The following LHCGR variants were observed in gnomAD, a reference collection of about 807,000 sequenced individuals.
LHCGR encodes luteinizing hormone/choriogonadotropin receptor, also known as lutropin-choriogonadotropic hormone receptor.
Under a neutral mutation model 60.7 loss-of-function variants are expected in LHCGR, and 55 were observed. That is an observed-to-expected ratio of 0.91 (90% confidence interval 0.73 to 1.13). LHCGR has a LOEUF of 1.13. Ranked by LOEUF, LHCGR falls within the 50% of genes most tolerant of loss-of-function variation. The pLI is 0.00. For missense variants in LHCGR, 862 were observed against 836.0 expected (o/e 1.03, Z -0.38); for synonymous variants, 337 against 316.5 (o/e 1.06, Z -0.69).
chr2:48,715,430 G>C (rs890512327), intron 6 of LHCGR, among the ~76,000 whole-genome samples: 2 of 152,212 alleles, frequency 1.3e-5, no homozygotes, highest in Non-Finnish European at 2.9e-5. Flanking sequence ...ACGTGAGAAA[G>C]GGCTGTGGTG....
chr2:48,708,243 A>G (rs1667794845), intron 8 of LHCGR, among the ~76,000 whole-genome samples: 1 of 152,134 alleles, frequency 6.6e-6, no homozygotes, highest in African/African-American at 2.4e-5. Flanking sequence ...GTCTGACAGC[A>G]GCTCAGCCCC....
At chr2:48,732,987 G>C in intron 1 of LHCGR, 1 of 510,336 alleles carries the variant, frequency 2.0e-6, no homozygotes, top group South Asian at 1.5e-5. Context: ...TTCTTGTGAT[G>C]GCATATTTGC....
rs1041883292 is a variant in LHCGR, at chr2:48,755,605, G to C, written c.67C>G (p.Arg23Gly). 4 of 1,534,602 alleles carry C rather than the reference G, an allele frequency of 2.6e-6. No homozygotes were observed. ...GGGCAGAGCGCCTCGCGCAGCGCTC[G>C]TGGCAGCGGCGGCTGCAGCAGCAGC... The part of the protein sequence containing the change: ...LLLLLQPPLP[R>G]ALREALCPEP... Residue 23 changes from arginine (R) to glycine (G), a missense_variant, in exon 1 of 11, where the codon CGA (arginine) becomes GGA (glycine). Arg to Gly is a moderately radical substitution (Grantham distance 125). Transcript: ENST00000294954.
At chr2:48,737,802 A>G (rs1157094470) in intron 1 of LHCGR, among the ~76,000 whole-genome samples, 2 of 152,252 alleles carry the variant, frequency 1.3e-5, no homozygotes, top group Non-Finnish European at 2.9e-5. Flanking sequence ...TGCTCCCTGC[A>G]GTTACTGTAC....
intron 6 of LHCGR, chr2:48,721,347 A>C (rs975180070): frequency 1.1e-5 from 2 of 189,320 alleles, no homozygotes; most frequent in Admixed American, 5.4e-5. Context: ...AGCAGCCGGT[A>C]GAGCTGTGGT....
At chr2:48,751,557 T>C (rs943677148) in intron 1 of LHCGR, among the ~76,000 whole-genome samples, 1 of 152,210 alleles carries the variant, frequency 6.6e-6, no homozygotes, top group African/African-American at 2.4e-5. Context: ...TCTACACCTA[T>C]ACCAGTCTCT....
chr2:48,753,115 T>C (rs958077096), intron 1 of LHCGR, among the ~76,000 whole-genome samples: 1 of 152,064 alleles, frequency 6.6e-6, no homozygotes, highest in African/African-American at 2.4e-5. Context: ...CAGAATCACC[T>C]GAGGAGCTTG....
chr2:48,736,923 T>G (rs1388320717), intron 1 of LHCGR, among the ~76,000 whole-genome samples: 6 of 152,308 alleles, frequency 3.9e-5, no homozygotes, highest in Non-Finnish European at 7.3e-5. Context: ...GGACAGGTAT[T>G]GCATAAAGCA....
chr2:48,725,720 G>A lies in LHCGR; in HGVS notation c.339C>T (p.Tyr113=), dbSNP rs1288797342. ...ILIQNTKNLR[Y]IEPGAFINLP... is the part of the protein sequence containing the mutation. ...GATTTATAAATGCTCCGGGCTCAATGTATCTCAGATTTTTGGTGTTCTGGA... is the reference window on the plus strand; with the variant it reads ...GATTTATAAATGCTCCGGGCTCAATATATCTCAGATTTTTGGTGTTCTGGA... Residue 113 remains tyrosine, a synonymous_variant, in exon 4 of 11, where the codon TAC becomes TAT. Coordinates refer to ENST00000294954, the MANE Select transcript of LHCGR (RefSeq NM_000233.4). 1.2e-6 allele frequency: 2 copies of A among 1,613,148 alleles called. No homozygotes were observed. Among genetic ancestry groups the A allele is most frequent in the African/African-American group, 1.3e-5 (1 of 74,846 alleles).
intron 1 of LHCGR, among the ~76,000 whole-genome samples, chr2:48,742,473 A>G (rs1669502657): frequency 6.6e-6 from 1 of 151,702 alleles, no homozygotes; most frequent in South Asian, 2.1e-4. Flanking sequence ...GTAAAAGAAC[A>G]GAAATTATAA....
At chr2:48,708,059 T>C (rs1158373657) in intron 8 of LHCGR, among the ~76,000 whole-genome samples, 1 of 152,218 alleles carries the variant, frequency 6.6e-6, no homozygotes. Flanking sequence ...CCCAATGAGA[T>C]GAACCAGGTA....
chr2:48,703,157 A>G (rs551783370), intron 8 of LHCGR, among the ~76,000 whole-genome samples: 1 of 152,310 alleles, frequency 6.6e-6, no homozygotes, highest in South Asian at 2.1e-4. Flanking sequence ...AGTTCTTTGT[A>G]GATTCTGGAT....
chr2:48,710,699 AC>A (rs1163745419), intron 7 of LHCGR, among the ~76,000 whole-genome samples: 2 of 151,858 alleles, frequency 1.3e-5, no homozygotes, highest in Non-Finnish European at 2.9e-5. Context: ...TGACTCCTAG[AC>A]CCCTCAGGTG....
intron 1 of LHCGR, among the ~76,000 whole-genome samples, chr2:48,754,614 A>T (rs143495869): frequency 4.1e-4 from 62 of 150,668 alleles, no homozygotes; most frequent in African/African-American, 1.4e-3. Flanking sequence ...CCCCAAGCCC[A>T]TACCCACTGA....
At chr2:48,712,738 C>A (rs983378375) in intron 7 of LHCGR, among the ~76,000 whole-genome samples, 2 of 151,416 alleles carry the variant, frequency 1.3e-5, no homozygotes, top group Non-Finnish European at 2.9e-5. Flanking sequence ...CCAGGCACAG[C>A]GTTAAGTACT....
At chr2:48,733,177 G>A (rs1453313511) in intron 1 of LHCGR, 1 of 344,372 alleles carries the variant, frequency 2.9e-6, no homozygotes, top group Middle Eastern at 6.6e-4. Flanking sequence ...TATTGCTGGG[G>A]ATAATGCAGT....
At chr2:48,727,273 T>G (rs1377114468) in intron 3 of LHCGR, among the ~76,000 whole-genome samples, 2 of 151,904 alleles carry the variant, frequency 1.3e-5, no homozygotes, top group African/African-American at 2.4e-5. Flanking sequence ...AAAAAAAGAT[T>G]AAAAGAAATT....
In LHCGR at chr2:48,729,373, A is replaced by G. The variant is rs11897846; in HGVS notation, c.234-146T>C. ...AACAAAGATGTGCAAGTTGTCCCCAAATCATACAGTGCTAACATCTCCCTT... is the reference window on the plus strand; with the variant it reads ...AACAAAGATGTGCAAGTTGTCCCCAGATCATACAGTGCTAACATCTCCCTT... On this transcript the variant is annotated intron_variant, in intron 2 of 10. Transcript: ENST00000294954. The G allele has an allele frequency of 0.32, 224,928 of 703,872 alleles. 41,053 individuals are homozygous for G. Among genetic ancestry groups the G allele is most frequent in the East Asian group, 0.55 (20,312 of 37,122 alleles). 43.6% of individuals were successfully genotyped at this position (703,872 alleles called of 1,614,324 possible). A position where few individuals can be genotyped will look rare whatever the true frequency, so the allele number is the denominator to read the frequency against.
chr2:48,727,162 G>A (rs568428965), intron 3 of LHCGR, among the ~76,000 whole-genome samples: 10 of 152,076 alleles, frequency 6.6e-5, no homozygotes, highest in African/African-American at 1.2e-4. Flanking sequence ...GTGTGGTGGC[G>A]TGCATCTGTA....
Sources: allele counts gnomAD v4.1 joint callset (sites outside exome capture counted in the v4.1 genomes callset), GRCh38; gene constraint gnomAD v4.1.1; transcripts MANE v1.5; gene names NCBI Gene and HGNC (gene_info 2026-07-23, HGNC 2026-07-21).